Variants in CYP2A6 observed in about 807,000 individuals in gnomAD.
The protein encoded by CYP2A6 is cytochrome P450 2A6.
Under a neutral mutation model 42.3 loss-of-function variants are expected in CYP2A6, and 27 were observed. That is an observed-to-expected ratio of 0.64 (90% CI 0.47 to 0.88). The LOEUF (loss-of-function observed/expected upper bound fraction) is 0.88, where lower values mean the gene tolerates loss of function less well. Among genes scored for constraint, CYP2A6 ranks in the 40% least tolerant of loss-of-function variants. CYP2A6 has a pLI of 0.00. For missense variants in CYP2A6, 628 were observed against 646.0 expected, an observed-to-expected ratio of 0.97 and a Z score of 0.30; for synonymous variants, 238 against 246.3, an observed-to-expected ratio of 0.97 and a Z score of 0.31.
intron 8 of CYP2A6, 41 bp from the exon 9 acceptor site, chr19:40,844,018 C>G: frequency 1.9e-6 from 3 of 1,554,802 alleles, no homozygotes; most frequent in Admixed American, 3.7e-5. Context: ...GAAGCCCACT[C>G]TCAGTGCAGC....
At position 40,844,712 on chromosome 19, in the gene CYP2A6, G is replaced by A. The variant is rs756704276; in HGVS notation, c.1222C>T (p.Pro408Ser). The A allele has an allele frequency of 1.2e-6, 2 of 1,611,722 alleles. No individual in the cohort carries two copies. Among genetic ancestry groups the A allele is most frequent in the South Asian group, 1.1e-5 (1 of 90,922 alleles). Residue 408 changes from proline to serine, a missense_variant, in exon 8 of 9, where the codon CCC becomes TCC. Pro to Ser is a moderately conservative substitution (Grantham distance 74). Transcript: ENST00000301141. Reference sequence around the variant, plus strand: ...AAGTGCTGGGGATTGAAGTCCTGGGGGTTGGAGAAGAAACTGGGGTCTCTC... The same window carrying A: ...AAGTGCTGGGGATTGAAGTCCTGGGAGTTGGAGAAGAAACTGGGGTCTCTC... ...VLRDPSFFSN[P>S]QDFNPQHFLN...
chr19:40,845,217 C>G, intron 7 of CYP2A6, 77 bp downstream of exon 7: 2 of 1,585,226 alleles, frequency 1.3e-6, no homozygotes, highest in Non-Finnish European at 1.7e-6. Flanking sequence ...TAGAAAGCTT[C>G]TAATGTGGGT....
At position 40,848,761 on chromosome 19, in the gene CYP2A6, C is replaced by T. The variant is rs376782364; in HGVS notation, c.346G>A (p.Val116Met). Residue 116 changes from valine to methionine, a missense_variant and splice_region_variant, in exon 3 of 9, where the codon GTG becomes ATG. Around this residue, in one of 2 missense-constraint regions of CYP2A6, gnomAD observed 606 missense variants for 568.1 expected, o/e 1.07. Coordinates refer to ENST00000301141, the MANE Select transcript of CYP2A6 (RefSeq NM_000762.6). Reference sequence around the variant, plus strand: ...GCGCGCTCCCCGTTGCTGAATACCACGCCTGGGGAGGTGAACGCGGGAATG... The same window carrying T: ...GCGCGCTCCCCGTTGCTGAATACCATGCCTGGGGAGGTGAACGCGGGAATG... Reference protein sequence around the residue: ...TFDWVFKGYGVVFSNGERAKQ... With the variant: ...TFDWVFKGYGMVFSNGERAKQ... The T allele has an allele frequency of 1.6e-5, 26 of 1,610,848 alleles. No homozygotes were observed. The South Asian group carries it at 2.0e-4, about 12-fold the overall frequency.
At chr19:40,849,085 A>AGAGAGG (rs1967173918) in intron 2 of CYP2A6, among the ~76,000 whole-genome samples, 5 of 147,470 alleles carry the variant, frequency 3.4e-5, no homozygotes, top group African/African-American at 1.3e-4. Context: ...AGAGAGAGAG[A>AGAGAGG]GAGACCAGGT....
chr19:40,849,930 C>T lies in CYP2A6; in HGVS notation c.231G>A (p.Arg77=), dbSNP rs762090075. The change falls in exon 2 of 9, where the codon CGG becomes CGA. Residue 77 remains arginine, a synonymous_variant. Coordinates refer to ENST00000301141, the MANE Select transcript of CYP2A6 (RefSeq NM_000762.6). ...PVFTIHLGPR[R]VVVLCGHDAV... Reference sequence around the variant, plus strand: ...CATCATGTCCACACAGCACCACGACCCGCCGGGGCCCCAAGTGAATGGTGA... The same window carrying T: ...CATCATGTCCACACAGCACCACGACTCGCCGGGGCCCCAAGTGAATGGTGA... 2 of 1,611,550 alleles carry T rather than the reference C, an allele frequency of 1.2e-6. No homozygotes were observed. The highest frequency in any genetic ancestry group is 3.3e-5 in the Admixed American group (2 of 59,966).
Position 40,845,397 on chromosome 19 carries a change from T to C in CYP2A6, c.1058A>G (p.Glu353Gly). 1 of 1,611,792 alleles carries C rather than the reference T, an allele frequency of 6.2e-7. No individual in the cohort carries two copies. Among genetic ancestry groups the C allele is most frequent in the Non-Finnish European group, 8.5e-7 (1 of 1,179,914 alleles). ...FEDRAKMPYMEAVIHEIQRFG... is the reference protein window; with the variant it reads ...FEDRAKMPYMGAVIHEIQRFG... ...TCTTTGGATCTCGTGGATCACTGCC[T>C]CCATGTAGGGCATCTTGGCCCGGTC... Residue 353 changes from glutamate (E) to glycine (G), a missense_variant, in exon 7 of 9, where the codon GAG (glutamate) becomes GGG (glycine). Glu to Gly is a moderately conservative substitution (Grantham distance 98). Around this residue, in one of 2 missense-constraint regions of CYP2A6, gnomAD observed 606 missense variants for 568.1 expected, o/e 1.07. Coordinates refer to ENST00000301141, the MANE Select transcript of CYP2A6 (RefSeq NM_000762.6).
At chr19:40,844,181 T>C (rs572409121) in intron 8 of CYP2A6, among the ~76,000 whole-genome samples, 1 of 151,146 alleles carries the variant, frequency 6.6e-6, no homozygotes, top group Non-Finnish European at 1.5e-5. Flanking sequence ...TATTGATATA[T>C]TATTACTAAC....
chr19:40,848,638 T>C lies in CYP2A6; in HGVS notation c.469A>G (p.Ile157Val). The change falls in exon 3 of 9, where the codon ATC becomes GTC. Residue 157 changes from isoleucine (I) to valine (V), a missense_variant. Around this residue, in one of 2 missense-constraint regions of CYP2A6, gnomAD observed 606 missense variants for 568.1 expected, o/e 1.07. Transcript: ENST00000301141. ...CCGCCAGTGCCCCGGAGGGCGTCGA[T>C]GAGGAAGCCCGCCTCCTCCTGGATG... ...ERIQEEAGFLIDALRGTGGAN... is the reference protein window; with the variant it reads ...ERIQEEAGFLVDALRGTGGAN... 1 of 1,611,744 alleles carries C rather than the reference T, an allele frequency of 6.2e-7. No homozygotes were observed. The highest frequency in any genetic ancestry group is 8.5e-7 in the Non-Finnish European group (1 of 1,179,818).
At chr19:40,849,016 A>AG (rs1967164503) in intron 2 of CYP2A6, among the ~76,000 whole-genome samples, 1 of 92,200 alleles carries the variant, frequency 1.1e-5, no homozygotes, top group Non-Finnish European at 2.1e-5. Context: ...GAGAGAAGAG[A>AG]GAGAGGAGAG....
chr19:40,849,992 G>A lies in CYP2A6; in HGVS notation c.181-12C>T, dbSNP rs771278276. The A allele has an allele frequency of 6.3e-5, 102 of 1,609,750 alleles. 2 individuals carry two copies. The highest frequency in any genetic ancestry group is 5.9e-4 in the African/African-American group (44 of 74,540). Reference sequence around the variant, plus strand: ...TAGCGCTCACTGATCTGATGGAGGTGGGTGGGAGTGGTTAGAGGGAGAAGC... The same window carrying A: ...TAGCGCTCACTGATCTGATGGAGGTAGGTGGGAGTGGTTAGAGGGAGAAGC... On this transcript the variant is annotated splice_polypyrimidine_tract_variant and intron_variant, in intron 1 of 8. Coordinates refer to ENST00000301141, the MANE Select transcript of CYP2A6 (RefSeq NM_000762.6).
chr19:40,843,631 A>G lies in CYP2A6; in HGVS notation c.*165T>C. 2 of 1,090,560 alleles carry G rather than the reference A, an allele frequency of 1.8e-6. No individual in the cohort carries two copies. Among genetic ancestry groups the G allele is most frequent in the Non-Finnish European group, 2.5e-6 (2 of 789,928 alleles). 67.6% of individuals were successfully genotyped at this position (1,090,560 alleles called of 1,614,324 possible). ...ATCCCAGCTCGGAAGCACCTTATCA[A>G]GGTGAACTGAGCCGCTTCTGTTTCT... is the stretch of plus-strand genomic sequence containing the variant. On this transcript the variant is annotated 3_prime_UTR_variant, in exon 9 of 9. Coordinates refer to ENST00000301141, the MANE Select transcript of CYP2A6 (RefSeq NM_000762.6).
At position 40,843,567 on chromosome 19, in the gene CYP2A6, C is replaced by T. The variant is rs192752442; in HGVS notation, c.*229G>A. 5.4e-6 allele frequency: 4 copies of T among 736,836 alleles called. No homozygotes were observed. The highest frequency in any genetic ancestry group is 3.3e-5 in the Admixed American group (1 of 30,354). 45.6% of individuals were successfully genotyped at this position (736,836 alleles called of 1,614,324 possible). A position where few individuals can be genotyped will look rare whatever the true frequency, so the allele number is the denominator to read the frequency against. On this transcript the variant is annotated 3_prime_UTR_variant, in exon 9 of 9. Transcript: ENST00000301141. ...CAGGAAATAAGAGCTGCTATTATTA[C>T]TACTCTTCATAGCATAATGTAAGGG... is the stretch of plus-strand genomic sequence containing the variant.
At chr19:40,844,364 G>A (rs1170202093) in intron 8 of CYP2A6, among the ~76,000 whole-genome samples, 1 of 151,278 alleles carries the variant, frequency 6.6e-6, no homozygotes, top group African/African-American at 2.4e-5. Context: ...CTGCTGTGCC[G>A]TCATCTCCTT....
At chr19:40,848,144 G>A (rs1967132526) in intron 4 of CYP2A6, 75 bp downstream of exon 4, 17 of 1,586,966 alleles carry the variant, frequency 1.1e-5, no homozygotes, top group Non-Finnish European at 1.5e-5. Flanking sequence ...GGGAGTTTGG[G>A]GCACCTGTCT....
At chr19:40,847,138 A>G in intron 4 of CYP2A6, 87 bp from the exon 5 acceptor site, 2 of 1,533,618 alleles carry the variant, frequency 1.3e-6, no homozygotes, top group South Asian at 2.5e-5. Context: ...CATAGCAAGG[A>G]AGGAACTGAG....
At position 40,845,471 on chromosome 19, in the gene CYP2A6, A is replaced by G. The variant is rs535231886; in HGVS notation, c.984T>C (p.His328=). ...TGCCGATCACTCTGTCAATCTCCTCATGGACCTTGGCTGGGGGAGGAGGGG... is the reference window on the plus strand; with the variant it reads ...TGCCGATCACTCTGTCAATCTCCTCGTGGACCTTGGCTGGGGGAGGAGGGG... ...MKHPEVEAKV[H]EEIDRVIGKN... is the part of the protein sequence containing the mutation. The change falls in exon 7 of 9, where the codon CAT becomes CAC. Residue 328 remains histidine, a synonymous_variant. Coordinates refer to ENST00000301141, the MANE Select transcript of CYP2A6 (RefSeq NM_000762.6). 1.9e-6 allele frequency: 3 copies of G among 1,611,262 alleles called. No homozygotes were observed. The highest frequency in any genetic ancestry group is 1.1e-5 in the South Asian group (1 of 90,872).
Position 40,848,283 on chromosome 19 carries a change from T to G in CYP2A6, c.590A>C (p.Glu197Ala). 6.2e-7 allele frequency: 1 copy of G among 1,611,796 alleles called. No individual in the cohort carries two copies. Residue 197 changes from glutamate to alanine, a missense_variant, in exon 4 of 9, where the codon GAG (glutamate) becomes GCG (alanine). Physicochemically the swap from Glu to Ala is moderately radical, Grantham distance 107 (BLOSUM62 -1). Transcript: ENST00000301141. ...FGDRFDYKDKEFLSLLRMMLG... is the reference protein window; with the variant it reads ...FGDRFDYKDKAFLSLLRMMLG... The stretch of plus-strand genomic sequence containing the variant: ...CATCATGCGCAACAGTGACAGGAAC[T>G]CTTTGTCCTTATAGTCAAAGCGGTC...
intron 4 of CYP2A6, among the ~76,000 whole-genome samples, 164 bp downstream of exon 4, chr19:40,848,055 C>T (rs908076895): frequency 6.6e-6 from 1 of 150,640 alleles, no homozygotes; most frequent in Non-Finnish European, 1.5e-5. Context: ...TATTGGACAT[C>T]CATCCTGGGT....
At chr19:40,849,394 G>GA (rs1967180664) in intron 2 of CYP2A6, among the ~76,000 whole-genome samples, 2 of 151,512 alleles carry the variant, frequency 1.3e-5, no homozygotes, top group South Asian at 4.2e-4. Flanking sequence ...TGAAGATGTG[G>GA]AAGTAGGAAT....
Sources: gnomAD v4.1 joint callset for allele counts (sites outside exome capture counted in the v4.1 genomes callset) on GRCh38, gnomAD v4.1.1 for gene constraint, gnomAD v4.1.1 regional missense constraint, MANE v1.5 for transcripts, NCBI Gene and HGNC (gene_info 2026-07-23, HGNC 2026-07-21) for gene names.